CSGALNACT2: variants seen among roughly 807,000 people sequenced by gnomAD.
CSGALNACT2 encodes the protein chondroitin sulfate N-acetylgalactosaminyltransferase 2.
A neutral mutation model predicts 55.3 loss-of-function variants in CSGALNACT2; 35 were observed. That is an observed-to-expected ratio of 0.63 (90% CI 0.48 to 0.84). The LOEUF is 0.84. Ranked by LOEUF, CSGALNACT2 falls within the 40% of genes least tolerant of loss-of-function variation. The pLI, the probability that CSGALNACT2 is intolerant of heterozygous loss-of-function variation, is 0.00. For synonymous variants in CSGALNACT2, 196 were observed against 224.9 expected, an observed-to-expected ratio of 0.87 and a Z score of 1.15; for missense variants, 544 against 657.5, an observed-to-expected ratio of 0.83 and a Z score of 1.89.
chr10:43,150,727 C>T (rs937841930), intron 1 of CSGALNACT2, among the ~76,000 whole-genome samples: 1 of 152,078 alleles, frequency 6.6e-6, no homozygotes, highest in Non-Finnish European at 1.5e-5. Flanking sequence ...ATTGGTTGAG[C>T]TTCTTATGTG....
intron 4 of CSGALNACT2, chr10:43,162,978 CATT>C (rs1460638594): frequency 3.3e-5 from 33 of 985,176 alleles, no homozygotes; most frequent in Non-Finnish European, 4.0e-5. Flanking sequence ...ACCCTTCTCT[CATT>C]GTTCCCATTT....
In CSGALNACT2 at chr10:43,155,401, A is replaced by C; in HGVS notation, c.252A>C (p.Gln84His). Reference sequence around the variant, plus strand: ...AACGCCAAATTGCCCAACTAAAACAAGAATTACAAGAAATGAGTGAGAAGA... The same window carrying C: ...AACGCCAAATTGCCCAACTAAAACACGAATTACAAGAAATGAGTGAGAAGA... Reference protein sequence around the residue: ...SLKRQIAQLKQELQEMSEKMR... With the variant: ...SLKRQIAQLKHELQEMSEKMR... The change falls in exon 2 of 8, where the codon CAA becomes CAC. Residue 84 changes from glutamine to histidine, a missense_variant. Physicochemically the swap from Gln to His is conservative, Grantham distance 24 (BLOSUM62 0). Coordinates refer to ENST00000374466, the MANE Select transcript of CSGALNACT2 (RefSeq NM_018590.5). 1 of 1,614,234 alleles carries C rather than the reference A, an allele frequency of 6.2e-7. No homozygotes were observed. Among genetic ancestry groups the C allele is most frequent in the Non-Finnish European group, 8.5e-7 (1 of 1,180,032 alleles).
At chr10:43,140,911 G>T (rs1483641663) in intron 1 of CSGALNACT2, among the ~76,000 whole-genome samples, 1 of 152,206 alleles carries the variant, frequency 6.6e-6, no homozygotes, top group African/African-American at 2.4e-5. Flanking sequence ...TCTAAGAGAA[G>T]CTTCAGACCA....
At chr10:43,144,543 C>T (rs1315335801) in intron 1 of CSGALNACT2, among the ~76,000 whole-genome samples, 11 of 137,832 alleles carry the variant, frequency 8.0e-5, no homozygotes, top group Non-Finnish European at 1.7e-4. Flanking sequence ...AATCTTTATA[C>T]TTCAGTAAAC....
At chr10:43,141,969 T>A (rs1431065300) in intron 1 of CSGALNACT2, among the ~76,000 whole-genome samples, 1 of 152,246 alleles carries the variant, frequency 6.6e-6, no homozygotes, top group Non-Finnish European at 1.5e-5. Context: ...GTTTGCTGAC[T>A]GTTCCCCACT....
chr10:43,178,060 T>C (rs1588914980), intron 7 of CSGALNACT2, among the ~76,000 whole-genome samples: 1 of 152,254 alleles, frequency 6.6e-6, no homozygotes. Flanking sequence ...TGTATATCTT[T>C]AGTGAAATGT....
At chr10:43,166,288 T>A (rs1371084902) in intron 5 of CSGALNACT2, among the ~76,000 whole-genome samples, 1 of 152,232 alleles carries the variant, frequency 6.6e-6, no homozygotes, top group Admixed American at 6.5e-5. Context: ...CTGCTAGGGA[T>A]CTTGTAATAA....
chr10:43,175,019 G>A (rs1036274102), intron 6 of CSGALNACT2, among the ~76,000 whole-genome samples: 1 of 152,206 alleles, frequency 6.6e-6, no homozygotes, highest in African/African-American at 2.4e-5. Context: ...AGTGGTGACA[G>A]CCTCATATTA....
At chr10:43,164,161 T>A in intron 5 of CSGALNACT2, 117 bp downstream of exon 5, 1 of 790,526 alleles carries the variant, frequency 1.3e-6, no homozygotes, top group Non-Finnish European at 1.9e-6. Flanking sequence ...CAGTATTTTT[T>A]TAAGTTATAT....
chr10:43,160,578 C>T lies in CSGALNACT2; in HGVS notation c.963C>T (p.Ile321=). The T allele has an allele frequency of 6.5e-7, 1 of 1,547,818 alleles. No individual in the cohort carries two copies. The highest frequency in any genetic ancestry group is 8.9e-7 in the Non-Finnish European group (1 of 1,120,588). ...AAGGACTGTCTAAAGTCAAGTCTAT[C>T]CTAGAATCTGTCACCAGGTTGGTGA... is the stretch of plus-strand genomic sequence containing the variant. ...GKEGLSKVKS[I]LESVTSESNF... The change falls in exon 4 of 8, where the codon ATC becomes ATT. Residue 321 remains isoleucine, a synonymous_variant. Transcript: ENST00000374466.
intron 1 of CSGALNACT2, among the ~76,000 whole-genome samples, chr10:43,139,083 G>A (rs1838561010): frequency 6.6e-6 from 1 of 152,122 alleles, no homozygotes; most frequent in Admixed American, 6.5e-5. Context: ...TGTGATGATG[G>A]TATTGGCGGT....
At chr10:43,151,569 C>T (rs1478890006) in intron 1 of CSGALNACT2, among the ~76,000 whole-genome samples, 1 of 152,166 alleles carries the variant, frequency 6.6e-6, no homozygotes, top group Non-Finnish European at 1.5e-5. Context: ...CTTTCCTTAG[C>T]CCGTTAGTTG....
chr10:43,156,620 T>TTTTCCA (rs1205680116), intron 2 of CSGALNACT2, among the ~76,000 whole-genome samples: 1 of 152,244 alleles, frequency 6.6e-6, no homozygotes, highest in Non-Finnish European at 1.5e-5. Flanking sequence ...GGGTGACAAT[T>TTTTCCA]TTTCCATGGG....
chr10:43,165,067 C>G (rs75473332), intron 5 of CSGALNACT2, among the ~76,000 whole-genome samples: 2,519 of 151,576 alleles, frequency 0.017, 81 homozygotes, highest in African/African-American at 0.058. Context: ...ACTAAAAATA[C>G]AAAAAAAATT....
At chr10:43,146,694 C>T (rs1218188463) in intron 1 of CSGALNACT2, among the ~76,000 whole-genome samples, 1 of 150,826 alleles carries the variant, frequency 6.6e-6, no homozygotes. Context: ...GATAGAGGCA[C>T]TGCGCTACAG....
chr10:43,138,842 T>G (rs1838555285), intron 1 of CSGALNACT2, among the ~76,000 whole-genome samples: 2 of 152,220 alleles, frequency 1.3e-5, no homozygotes. Flanking sequence ...TCTGCTCCTC[T>G]CAGTGGATAA....
chr10:43,150,022 G>A (rs770052217), intron 1 of CSGALNACT2, among the ~76,000 whole-genome samples: 13 of 152,126 alleles, frequency 8.5e-5, no homozygotes, highest in East Asian at 7.7e-4. Flanking sequence ...AGCTGAGATC[G>A]CGCCATTGCA....
At chr10:43,151,503 TA>T (rs1838873044) in intron 1 of CSGALNACT2, among the ~76,000 whole-genome samples, 1 of 152,216 alleles carries the variant, frequency 6.6e-6, no homozygotes, top group Non-Finnish European at 1.5e-5. Flanking sequence ...GAACATGCAC[TA>T]ATCCTGGCCC....
At chr10:43,152,032 A>G (rs1838886055) in intron 1 of CSGALNACT2, among the ~76,000 whole-genome samples, 1 of 152,220 alleles carries the variant, frequency 6.6e-6, no homozygotes, top group African/African-American at 2.4e-5. Flanking sequence ...GCAGTTTTAG[A>G]GAGTTAGAAT....
Sources: allele counts gnomAD v4.1 joint callset (sites outside exome capture counted in the v4.1 genomes callset), GRCh38; gene constraint gnomAD v4.1.1; transcripts MANE v1.5; gene names NCBI Gene and HGNC (gene_info 2026-07-23, HGNC 2026-07-21).